SMG6: variants seen among roughly 807,000 people sequenced by gnomAD.
SMG6 encodes telomerase-binding protein EST1A.
SMG6 carries 66 observed loss-of-function variants against 142.2 expected under a neutral mutation model. The observed-to-expected ratio is 0.46, with a 90% CI of 0.38 to 0.57. SMG6 has a LOEUF of 0.57. Ranked by LOEUF, SMG6 falls within the 20% of genes least tolerant of loss-of-function variation. The pLI is 0.00. For missense variants in SMG6, 1,793 were observed against 1,832.0 expected (o/e 0.98, Z 0.39); for synonymous variants, 779 against 702.4 (o/e 1.11, Z -1.72).
At chr17:2,237,404 C>T in intron 9 of SMG6, 1 of 584,258 alleles carries the variant, frequency 1.7e-6, no homozygotes, top group Non-Finnish European at 2.2e-6. Flanking sequence ...TTTAGGTAAC[C>T]AGACATAGTT....
chr17:2,145,183 G>A (rs1015752293), intron 13 of SMG6, among the ~76,000 whole-genome samples: 3 of 151,946 alleles, frequency 2.0e-5, no homozygotes, highest in African/African-American at 4.8e-5. Flanking sequence ...GGGTGAAATC[G>A]GTTCACTGCA....
At chr17:2,278,049 CA>C (rs951731896) in intron 8 of SMG6, among the ~76,000 whole-genome samples, 2 of 150,658 alleles carry the variant, frequency 1.3e-5, no homozygotes, top group African/African-American at 4.9e-5. Context: ...TCCTATCTCT[CA>C]AAAAAAAATT....
intron 6 of SMG6, among the ~76,000 whole-genome samples, chr17:2,289,512 G>A (rs1428490714): frequency 6.6e-6 from 1 of 152,078 alleles, no homozygotes; most frequent in Non-Finnish European, 1.5e-5. Context: ...AGCTATGATT[G>A]TGTCACTGCA....
chr17:2,087,903 G>A, intron 13 of SMG6: 1 of 985,776 alleles, frequency 1.0e-6, no homozygotes, highest in South Asian at 4.7e-5. Context: ...GTGTGTGTCA[G>A]CCACCTGACC....
intron 15 of SMG6, among the ~76,000 whole-genome samples, chr17:2,076,611 C>T (rs1402814352): frequency 6.6e-6 from 1 of 152,156 alleles, no homozygotes; most frequent in African/African-American, 2.4e-5. Flanking sequence ...AGGGTTCACG[C>T]ATATGGCCAG....
chr17:2,164,918 CAG>C (rs1366822810), intron 13 of SMG6, among the ~76,000 whole-genome samples: 1 of 150,668 alleles, frequency 6.6e-6, no homozygotes, highest in Non-Finnish European at 1.5e-5. Context: ...GCGTGGGCGA[CAG>C]AGCGAGACTC....
chr17:2,128,836 AG>A (rs1213756526), intron 13 of SMG6, among the ~76,000 whole-genome samples: 17 of 144,894 alleles, frequency 1.2e-4, no homozygotes, highest in African/African-American at 4.1e-4. Context: ...AAAAAAAAAG[AG>A]AGAGAGAGAA....
intron 8 of SMG6, among the ~76,000 whole-genome samples, chr17:2,265,033 TTC>T (rs1357239614): frequency 1.3e-5 from 2 of 152,160 alleles, no homozygotes; most frequent in Middle Eastern, 3.2e-3. Context: ...CCAAGTCAGG[TTC>T]TCTGAGAGGA....
At chr17:2,229,795 T>C (rs2073418661) in intron 10 of SMG6, among the ~76,000 whole-genome samples, 1 of 152,166 alleles carries the variant, frequency 6.6e-6, no homozygotes, top group Non-Finnish European at 1.5e-5. Flanking sequence ...CTACTTTCTC[T>C]GTGAATTCAG....
chr17:2,160,666 C>CA (rs1286168419), intron 13 of SMG6, among the ~76,000 whole-genome samples: 9 of 151,988 alleles, frequency 5.9e-5, no homozygotes, highest in Non-Finnish European at 2.9e-5. Flanking sequence ...CCCGTTTCCA[C>CA]AAAAAATTTA....
chr17:2,301,147 G>C (rs1164840667), intron 1 of SMG6, among the ~76,000 whole-genome samples: 1 of 152,126 alleles, frequency 6.6e-6, no homozygotes, highest in Non-Finnish European at 1.5e-5. Context: ...AGTAAAAAAG[G>C]AGAAAAAGGA....
chr17:2,172,620 A>G, intron 13 of SMG6, 38 bp downstream of exon 13: 1 of 1,599,978 alleles, frequency 6.3e-7, no homozygotes, highest in Non-Finnish European at 8.6e-7. Flanking sequence ...AATTAAGAGG[A>G]GGGGCGAATG....
intron 8 of SMG6, among the ~76,000 whole-genome samples, chr17:2,273,009 C>T (rs879544985): frequency 1.4e-4 from 17 of 119,382 alleles, no homozygotes; most frequent in Non-Finnish European, 2.7e-4. Flanking sequence ...TGTTGTCTCA[C>T]GTGGCCCCCA....
intron 13 of SMG6, chr17:2,088,023 A>G (rs1383237358): frequency 2.0e-6 from 2 of 985,480 alleles, no homozygotes; most frequent in Non-Finnish European, 2.4e-6. Flanking sequence ...CTGAATGGAG[A>G]GGAGAGGGGA....
At chr17:2,113,157 C>T (rs1264996966) in intron 13 of SMG6, among the ~76,000 whole-genome samples, 1 of 152,086 alleles carries the variant, frequency 6.6e-6, no homozygotes, top group East Asian at 1.9e-4. Flanking sequence ...TCCCAGCCTC[C>T]CAGGCTCCAG....
At chr17:2,107,033 G>C (rs1038060426) in intron 13 of SMG6, among the ~76,000 whole-genome samples, 1 of 152,120 alleles carries the variant, frequency 6.6e-6, no homozygotes, top group Admixed American at 6.5e-5. Flanking sequence ...TCAGTACTTA[G>C]TAGTTTAGTA....
chr17:2,128,125 T>TGGC (rs1462862170), intron 13 of SMG6, among the ~76,000 whole-genome samples: 4 of 152,208 alleles, frequency 2.6e-5, no homozygotes, highest in Non-Finnish European at 1.5e-5. Flanking sequence ...TGAAGGGCGC[T>TGGC]GGCAGCAGCA....
At chr17:2,162,265 C>A (rs2071202189) in intron 13 of SMG6, among the ~76,000 whole-genome samples, 1 of 152,098 alleles carries the variant, frequency 6.6e-6, no homozygotes, top group African/African-American at 2.4e-5. Flanking sequence ...GTAATCCCAG[C>A]ACTTTGGGAG....
chr17:2,110,256 C>T (rs557567148), intron 13 of SMG6, among the ~76,000 whole-genome samples: 54 of 152,022 alleles, frequency 3.6e-4, no homozygotes, highest in African/African-American at 1.3e-3. Flanking sequence ...TGCTTAGTAA[C>T]GTGGAGTTCA....
Sources: allele counts gnomAD v4.1 joint callset (sites outside exome capture counted in the v4.1 genomes callset), GRCh38; gene constraint gnomAD v4.1.1; transcripts MANE v1.5; gene names NCBI Gene and HGNC (gene_info 2026-07-23, HGNC 2026-07-21).